Variants in PRSS12 observed in about 807,000 individuals in gnomAD.
PRSS12 encodes neurotrypsin.
In PRSS12, 85 loss-of-function variants were observed where a neutral mutation model predicts 104.4. The ratio of observed to expected loss-of-function variants is 0.81; its 90% confidence interval spans 0.68 to 0.98. The LOEUF (loss-of-function observed/expected upper bound fraction) is 0.98. PRSS12 is among the 50% of genes least tolerant of loss of function. The pLI is 0.00. For synonymous variants in PRSS12, 454 were observed against 425.2 expected, an observed-to-expected ratio of 1.07 and a Z score of -0.83; for missense variants, 1,141 against 1,139.2, an observed-to-expected ratio of 1.00 and a Z score of -0.02.
intron 4 of PRSS12, among the ~76,000 whole-genome samples, chr4:118,326,365 A>G (rs1470595688): frequency 6.6e-6 from 1 of 152,204 alleles, no homozygotes. Context: ...TAGACATACT[A>G]ACTAATTTCT....
In PRSS12 at chr4:118,352,495, G is replaced by T; in HGVS notation, c.226C>A (p.Arg76Ser). The T allele has an allele frequency of 2.9e-6, 4 of 1,381,646 alleles. 1 individual carries two copies. In the South Asian group the frequency reaches 6.9e-5, roughly 24 times the overall value. The allele number at this position is 1,381,646 out of a possible 1,614,324, so 85.6% of individuals were successfully genotyped here. Residue 76 changes from arginine to serine, a missense_variant, in exon 1 of 13, where the codon CGC (arginine) becomes AGC (serine). By Grantham distance (110) the Arg-to-Ser change is moderately radical. Transcript: ENST00000296498. ...PRPPRALPAQ[R>S]PHALQAGHTP... ...TGCCCGGCCTGGAGGGCGTGCGGGCGCTGGGCAGGGAGCGCCCGCGGGGGG... is the reference window on the plus strand; with the variant it reads ...TGCCCGGCCTGGAGGGCGTGCGGGCTCTGGGCAGGGAGCGCCCGCGGGGGG...
At chr4:118,290,682 C>T (rs1743108021) in intron 11 of PRSS12, among the ~76,000 whole-genome samples, 1 of 152,010 alleles carries the variant, frequency 6.6e-6, no homozygotes, top group South Asian at 2.1e-4. Flanking sequence ...ATGACGTAAC[C>T]TGAGACTCCA....
chr4:118,318,254 T>C, intron 5 of PRSS12, 124 bp downstream of exon 5: 1 of 933,558 alleles, frequency 1.1e-6, no homozygotes, highest in Non-Finnish European at 1.6e-6. Flanking sequence ...TTTTGTTTGT[T>C]TTATTTGGTG....
chr4:118,343,472 AG>A lies in PRSS12; in HGVS notation c.503-5159del, dbSNP rs570306167. ...TATGTGAAGGAAACCTAAAAGAAAT[AG>A]GAGAAAAGGAACCAAATGAGTCAAC... On this transcript the variant is annotated intron_variant, in intron 1 of 12. Coordinates refer to ENST00000296498, the MANE Select transcript of PRSS12 (RefSeq NM_003619.4). Among the ~76,000 whole-genome samples the A allele has an allele frequency of 2.6e-4, 40 of 152,342 alleles. 2 individuals are homozygous for A. The South Asian group carries it at 8.3e-3, about 32-fold the overall frequency.
Position 118,293,167 on chromosome 4 carries a change from T to G in PRSS12, c.2039+1772A>C, listed in dbSNP as rs367971207. On this transcript the variant is annotated intron_variant, in intron 11 of 12. Transcript: ENST00000296498. ...AACAAGGATATATGAGAATTTGGCA[T>G]ATGACAGCATAATCAGTGGGTAAAG... 7.9e-5 allele frequency among the ~76,000 whole-genome samples: 12 copies of G among 152,066 alleles called. No individual in the cohort carries two copies. In the East Asian group the frequency reaches 2.3e-3, roughly 29 times the overall value.
rs1269618302 is a variant in PRSS12, at chr4:118,352,951, A to G, written c.-231T>C. On this transcript the variant is annotated 5_prime_UTR_variant, in exon 1 of 13. Coordinates refer to ENST00000296498, the MANE Select transcript of PRSS12 (RefSeq NM_003619.4). Reference sequence around the variant, plus strand: ...CCGCGGGTGGGGAAATCTGGAGCTCAGCCGAGCCCCGGCCGGCGGAGAGGA... The same window carrying G: ...CCGCGGGTGGGGAAATCTGGAGCTCGGCCGAGCCCCGGCCGGCGGAGAGGA... The G allele has an allele frequency of 9.5e-6, 11 of 1,160,230 alleles. No individual in the cohort carries two copies. The highest frequency in any genetic ancestry group is 1.2e-5 in the Non-Finnish European group (11 of 882,384). 71.9% of individuals were successfully genotyped at this position (1,160,230 alleles called of 1,614,324 possible).
rs752784904 is a variant in PRSS12 at position 118,313,273 on chromosome 4, G to GCCTT, written c.1413_1416dup (p.His473LysfsTer3). The stretch of plus-strand genomic sequence containing the variant: ...ACATCTTCGCGGTGGCTGCAGTCAT[G>GCCTT]CCTTCCCCACTGTCGCCTGGAACAC... On this transcript the variant is annotated frameshift_variant, in exon 7 of 13. Transcript: ENST00000296498. LOFTEE classifies it high-confidence loss of function. The GCCTT allele has an allele frequency of 4.0e-5, 64 of 1,613,970 alleles. No individual in the cohort carries two copies. Among genetic ancestry groups the GCCTT allele is most frequent in the Non-Finnish European group, 5.3e-5 (62 of 1,180,016 alleles).
chr4:118,293,808 G>A (rs561484576), intron 11 of PRSS12, among the ~76,000 whole-genome samples: 2 of 152,268 alleles, frequency 1.3e-5, no homozygotes, highest in African/African-American at 4.8e-5. Context: ...TTCTTCAAAG[G>A]ATAAATTGGC....
intron 5 of PRSS12, 58 bp from the exon 6 acceptor site, chr4:118,316,381 C>T: frequency 6.2e-7 from 1 of 1,604,468 alleles, no homozygotes; most frequent in Non-Finnish European, 8.5e-7. Flanking sequence ...AAAGGCAAAA[C>T]AACATTTGTA....
chr4:118,289,085 T>A (rs1254860828), intron 11 of PRSS12, among the ~76,000 whole-genome samples: 1 of 152,182 alleles, frequency 6.6e-6, no homozygotes, highest in African/African-American at 2.4e-5. Flanking sequence ...TAACTGAGGC[T>A]AGCGGCATTA....
chr4:118,299,842 T>C (rs1743363585), intron 8 of PRSS12, among the ~76,000 whole-genome samples: 1 of 139,642 alleles, frequency 7.2e-6, no homozygotes, highest in South Asian at 2.2e-4. Context: ...TAAAATAAAA[T>C]AAATTAGCTG....
At position 118,318,542 on chromosome 4, in the gene PRSS12, G is replaced by A. The variant is rs1157402653; in HGVS notation, c.986C>T (p.Ala329Val). The part of the protein sequence containing the change: ...RQLGLSGIAK[A>V]WHQAYFGEGS... ...TTCCCCAAAATATGCCTGATGCCATGCTTTGGCAATGCCACTGAACAAATA... is the reference window on the plus strand; with the variant it reads ...TTCCCCAAAATATGCCTGATGCCATACTTTGGCAATGCCACTGAACAAATA... Residue 329 changes from alanine (A) to valine (V), a missense_variant, in exon 5 of 13, where the codon GCA becomes GTA. Physicochemically the swap from Ala to Val is moderately conservative, Grantham distance 64 (BLOSUM62 0). Coordinates refer to ENST00000296498, the MANE Select transcript of PRSS12 (RefSeq NM_003619.4). The A allele has an allele frequency of 1.7e-5, 27 of 1,613,862 alleles. No individual in the cohort carries two copies. The highest frequency in any genetic ancestry group is 2.2e-5 in the Non-Finnish European group (26 of 1,179,956).
chr4:118,332,204 G>A lies in PRSS12; in HGVS notation c.821-338C>T, dbSNP rs1560782541. Among the ~76,000 whole-genome samples the A allele has an allele frequency of 2.0e-5, 3 of 152,024 alleles. 1 individual carries two copies. The highest frequency in any genetic ancestry group is 6.6e-5 in the Admixed American group (1 of 15,254). Reference sequence around the variant, plus strand: ...TGTATAGTATTATGGTGGTGGCATTGATTTTTTTTTATTTACAGTAACTTG... The same window carrying A: ...TGTATAGTATTATGGTGGTGGCATTAATTTTTTTTTATTTACAGTAACTTG... On this transcript the variant is annotated intron_variant, in intron 3 of 12. Coordinates refer to ENST00000296498, the MANE Select transcript of PRSS12 (RefSeq NM_003619.4).
At chr4:118,294,357 G>C (rs1168281742) in intron 11 of PRSS12, among the ~76,000 whole-genome samples, 1 of 152,170 alleles carries the variant, frequency 6.6e-6, no homozygotes, top group Non-Finnish European at 1.5e-5. Context: ...AGAAAGTAGA[G>C]CCAGTTCTAC....
intron 4 of PRSS12, among the ~76,000 whole-genome samples, chr4:118,327,313 A>G (rs1023189760): frequency 6.6e-6 from 1 of 151,992 alleles, no homozygotes; most frequent in Non-Finnish European, 1.5e-5. Context: ...CACCACAACC[A>G]GCTAATTTTT....
At chr4:118,349,899 AG>A (rs1724449919) in intron 1 of PRSS12, among the ~76,000 whole-genome samples, 1 of 152,232 alleles carries the variant, frequency 6.6e-6, no homozygotes, top group East Asian at 1.9e-4. Flanking sequence ...GTTACTCAAG[AG>A]GCTGAGGCAG....
Position 118,306,533 on chromosome 4 carries a change from C to T in PRSS12, c.1631+1903G>A, listed in dbSNP as rs752678323. Among the ~76,000 whole-genome samples the T allele has an allele frequency of 6.6e-5, 10 of 152,142 alleles. No homozygotes were observed. In the East Asian group the frequency reaches 7.8e-4, roughly 12 times the overall value. Reference sequence around the variant, plus strand: ...ACACAGCAACAGTAGCAGCAGAAAGCGGGGTGGGAGGGTGCCACACACTTT... The same window carrying T: ...ACACAGCAACAGTAGCAGCAGAAAGTGGGGTGGGAGGGTGCCACACACTTT... On this transcript the variant is annotated intron_variant, in intron 8 of 12. Transcript: ENST00000296498.
intron 9 of PRSS12, among the ~76,000 whole-genome samples, chr4:118,296,822 CTT>C (rs1394347246): frequency 6.6e-6 from 1 of 152,120 alleles, no homozygotes; most frequent in Non-Finnish European, 1.5e-5. Flanking sequence ...TGCTTTCAAA[CTT>C]TAACCTTCAT....
At chr4:118,316,825 GA>G (rs1553956358) in intron 5 of PRSS12, among the ~76,000 whole-genome samples, 14 of 91,540 alleles carry the variant, frequency 1.5e-4, no homozygotes, top group Middle Eastern at 0.017. Flanking sequence ...CCGTCTCACG[GA>G]AAAAAAAAAA....
Sources: gnomAD v4.1 joint callset for allele counts (sites outside exome capture counted in the v4.1 genomes callset) on GRCh38, gnomAD v4.1.1 for gene constraint, MANE v1.5 for transcripts, NCBI Gene and HGNC (gene_info 2026-07-23, HGNC 2026-07-21) for gene names.